Variants in RUFY1 observed in about 807,000 individuals in gnomAD.
RUFY1 encodes RUN and FYVE domain containing 1, also known as RUN and FYVE domain-containing protein 1.
RUFY1 carries 54 observed loss-of-function variants against 94.6 expected under a neutral mutation model. The observed-to-expected ratio is 0.57, with a 90% CI of 0.46 to 0.72. RUFY1 has a LOEUF of 0.72. RUFY1 is among the 30% of genes least tolerant of loss of function. RUFY1 has a pLI of 0.00. For synonymous variants in RUFY1, 396 were observed against 347.3 expected (o/e 1.14, Z -1.56); for missense variants, 883 against 883.9 (o/e 1.00, Z 0.01).
chr5:179,561,848 A>C (rs552775862), intron 2 of RUFY1, among the ~76,000 whole-genome samples: 2 of 149,774 alleles, frequency 1.3e-5, no homozygotes, highest in East Asian at 4.0e-4. Flanking sequence ...ACTCTCGGCT[A>C]ATTTTTTTTT....
At chr5:179,555,732 A>G (rs1198298554) in intron 1 of RUFY1, 1 of 369,670 alleles carries the variant, frequency 2.7e-6, no homozygotes, top group Non-Finnish European at 5.4e-6. Flanking sequence ...GGTTCAAGCG[A>G]TTCTCCTGCC....
intron 3 of RUFY1, among the ~76,000 whole-genome samples, chr5:179,566,822 A>T (rs1377843197): frequency 6.6e-6 from 1 of 152,104 alleles, no homozygotes; most frequent in Non-Finnish European, 1.5e-5. Context: ...TTGCGAGGCC[A>T]AGGCAGCCTG....
At chr5:179,577,262 C>G (rs1763695426) in intron 6 of RUFY1, 126 bp downstream of exon 6, 3 of 599,648 alleles carry the variant, frequency 5.0e-6, no homozygotes, top group Non-Finnish European at 8.7e-6. Flanking sequence ...ACCTCCGCCT[C>G]CCGGGTTCAA....
intron 5 of RUFY1, 27 bp from the exon 6 acceptor site, chr5:179,577,048 T>TA (rs1299648992): frequency 6.8e-7 from 1 of 1,474,186 alleles, no homozygotes; most frequent in Admixed American, 1.8e-5. Flanking sequence ...ACATTTTATT[T>TA]AAACTTGTGC....
chr5:179,565,644 G>A (rs1459292096), intron 3 of RUFY1, among the ~76,000 whole-genome samples: 1 of 151,962 alleles, frequency 6.6e-6, no homozygotes, highest in African/African-American at 2.4e-5. Context: ...TTTTTTAAAT[G>A]GCCAAATAAT....
intron 7 of RUFY1, among the ~76,000 whole-genome samples, chr5:179,583,479 C>T (rs1457736357): frequency 2.5e-4 from 35 of 141,002 alleles, no homozygotes; most frequent in East Asian, 1.1e-3. Flanking sequence ...TGCAGTAGCG[C>T]GATCTCGGCT....
rs1761802710 is a variant in RUFY1, at chr5:179,550,892, CG to C, written c.310+16del. On this transcript the variant is annotated intron_variant, in intron 1 of 17. Transcript: ENST00000319449. ...ACGGCGCGCGCAGGTAGGCTCGGGC[CG>C]GGTCTGTCCCGCGGCGGACTCGCGT... 5 of 1,133,956 alleles carry C rather than the reference CG, an allele frequency of 4.4e-6. No individual in the cohort carries two copies. Among genetic ancestry groups the C allele is most frequent in the Non-Finnish European group, 5.4e-6 (5 of 926,808 alleles). The allele number at this position is 1,133,956 out of a possible 1,614,324, so 70.2% of individuals were successfully genotyped here.
rs530609215 is a variant in RUFY1 at position 179,570,278 on chromosome 5, C to G, written c.828+853C>G. On this transcript the variant is annotated intron_variant, in intron 5 of 17. Transcript: ENST00000319449. ...ATGATCATGCCTGGATTTGAGAAAG[C>G]TCAATCTAGCAGCCATTCAGGTTAT... Among the ~76,000 whole-genome samples the G allele has an allele frequency of 6.0e-4, 91 of 152,284 alleles. 1 individual carries two copies. The highest frequency in any genetic ancestry group is 2.1e-3 in the African/African-American group (88 of 41,560).
At chr5:179,571,130 CTATG>C (rs1763196597) in intron 5 of RUFY1, among the ~76,000 whole-genome samples, 3 of 152,118 alleles carry the variant, frequency 2.0e-5, no homozygotes. Context: ...TTTAAAATGA[CTATG>C]TAGTATTTCA....
chr5:179,589,750 A>G (rs1484171816), intron 9 of RUFY1, 103 bp downstream of exon 9: 6 of 900,576 alleles, frequency 6.7e-6, no homozygotes, highest in Admixed American at 2.0e-5. Flanking sequence ...TCAGAATGCA[A>G]AGGTGCCTTG....
intron 15 of RUFY1, among the ~76,000 whole-genome samples, chr5:179,603,300 G>T (rs1766647723): frequency 6.6e-6 from 1 of 151,388 alleles, no homozygotes; most frequent in South Asian, 2.1e-4. Flanking sequence ...CAGGGAATCT[G>T]ATGTCTCTGG....
At chr5:179,578,306 C>T (rs1327715783) in intron 6 of RUFY1, among the ~76,000 whole-genome samples, 1 of 152,102 alleles carries the variant, frequency 6.6e-6, no homozygotes, top group Admixed American at 6.6e-5. Context: ...CTCCGCCTCC[C>T]CGGTTCAAGC....
intron 3 of RUFY1, among the ~76,000 whole-genome samples, chr5:179,564,827 T>G (rs768988932): frequency 7.2e-5 from 11 of 152,152 alleles, no homozygotes; most frequent in Non-Finnish European, 1.3e-4. Flanking sequence ...CCACCCTAGT[T>G]TTTTTTAACC....
chr5:179,587,053 T>G (rs1764661330), intron 8 of RUFY1, among the ~76,000 whole-genome samples: 1 of 152,166 alleles, frequency 6.6e-6, no homozygotes, highest in Admixed American at 6.5e-5. Flanking sequence ...CAGAGTTATG[T>G]GGGGTTTTTC....
chr5:179,593,158 C>T (rs1264019687), intron 10 of RUFY1, among the ~76,000 whole-genome samples: 1 of 152,212 alleles, frequency 6.6e-6, no homozygotes, highest in African/African-American at 2.4e-5. Context: ...TCACTGCAGC[C>T]TCCGCCTCCC....
At chr5:179,597,393 AC>A (rs1256725095) in intron 13 of RUFY1, among the ~76,000 whole-genome samples, 1 of 151,834 alleles carries the variant, frequency 6.6e-6, no homozygotes, top group African/African-American at 2.4e-5. Context: ...CAGCCACCAC[AC>A]CTGGCTAATT....
intron 13 of RUFY1, chr5:179,596,942 A>G: frequency 2.2e-6 from 1 of 450,082 alleles, no homozygotes; most frequent in Non-Finnish European, 3.9e-6. Flanking sequence ...CACAGCCTGT[A>G]TCACCCTTAA....
At position 179,579,921 on chromosome 5, in the gene RUFY1, G is replaced by A. The variant is rs56383177; in HGVS notation, c.891-1026G>A. ...TGGCCTCAGGTGATCTGCCCACCTC[G>A]GCCTCCCAAAGTGCTGGGATTACAG... On this transcript the variant is annotated intron_variant, in intron 6 of 17. Transcript: ENST00000319449. 9.2e-3 allele frequency among the ~76,000 whole-genome samples: 1,385 copies of A among 151,332 alleles called. 24 individuals carry two copies. The highest frequency in any genetic ancestry group is 0.03 in the African/African-American group (1,231 of 41,278).
At chr5:179,568,936 C>T in intron 4 of RUFY1, 1 of 650,556 alleles carries the variant, frequency 1.5e-6, no homozygotes, top group Non-Finnish European at 1.9e-6. Flanking sequence ...GATCCCATTT[C>T]CTGTTTATAT....
Sources: allele counts gnomAD v4.1 joint callset (sites outside exome capture counted in the v4.1 genomes callset), GRCh38; gene constraint gnomAD v4.1.1; transcripts MANE v1.5; gene names NCBI Gene and HGNC (gene_info 2026-07-23, HGNC 2026-07-21).